MBNL2: variants seen among roughly 807,000 people sequenced by gnomAD.
MBNL2 encodes muscleblind-like protein 2.
Under a neutral mutation model 41.9 loss-of-function variants are expected in MBNL2, and 17 were observed. The ratio of observed to expected loss-of-function variants is 0.41; its 90% CI spans 0.28 to 0.61. The LOEUF (loss-of-function observed/expected upper bound fraction) is 0.61, where lower values mean the gene tolerates loss of function less well. Among genes scored for constraint, MBNL2 ranks in the 20% least tolerant of loss-of-function variants. MBNL2 has a pLI of 0.35. For synonymous variants in MBNL2, 195 were observed against 182.9 expected, an observed-to-expected ratio of 1.07 and a Z score of -0.53; for missense variants, 336 against 505.6, an observed-to-expected ratio of 0.66 and a Z score of 3.22.
rs531449502 is a variant in MBNL2, at chr13:97,329,566, A to G, written c.175-4710A>G. On this transcript the variant is annotated intron_variant, in intron 2 of 8. Coordinates refer to ENST00000679496, the MANE Select transcript of MBNL2 (RefSeq NM_001382683.1). Reference sequence around the variant, plus strand: ...CTGCGTGCCTGCCCCTAGATGGGACATTCTCCTGGCACACGCTGCTCCTCT... The same window carrying G: ...CTGCGTGCCTGCCCCTAGATGGGACGTTCTCCTGGCACACGCTGCTCCTCT... Among the ~76,000 whole-genome samples the G allele has an allele frequency of 8.9e-5, 3 of 33,536 alleles. No homozygotes were observed. The South Asian group carries it at 2.8e-3, about 32-fold the overall frequency. 22.0% of individuals were successfully genotyped at this position (33,536 alleles called of 152,430 possible).
intron 3 of MBNL2, among the ~76,000 whole-genome samples, chr13:97,338,593 C>T (rs2061093358): frequency 6.6e-6 from 1 of 152,190 alleles, no homozygotes; most frequent in African/African-American, 2.4e-5. Flanking sequence ...CAGCTTTTCT[C>T]TCCCCAATTC....
At chr13:97,341,960 C>G (rs893004157) in intron 3 of MBNL2, among the ~76,000 whole-genome samples, 8 of 152,140 alleles carry the variant, frequency 5.3e-5, no homozygotes, top group African/African-American at 9.7e-5. Flanking sequence ...CAGTTAAGTT[C>G]AGTGTTAAAA....
intron 8 of MBNL2, among the ~76,000 whole-genome samples, chr13:97,372,286 T>A (rs1395559972): frequency 6.6e-6 from 1 of 152,188 alleles, no homozygotes; most frequent in African/African-American, 2.4e-5. Flanking sequence ...ATCATTCATG[T>A]TTAATATTAT....
chr13:97,318,788 C>A (rs2059263361), intron 2 of MBNL2, among the ~76,000 whole-genome samples: 1 of 152,172 alleles, frequency 6.6e-6, no homozygotes, highest in Non-Finnish European at 1.5e-5. Flanking sequence ...AATGTCATAG[C>A]TCACTAAGTT....
chr13:97,149,884 G>A, the MBNL2 span, among the ~76,000 whole-genome samples: 28 of 152,284 alleles, frequency 1.8e-4, no homozygotes, highest in Middle Eastern at 3.4e-3. Context: ...CTCTGCAGGG[G>A]AGTCGTTCTC....
chr13:97,206,283 A>G, the MBNL2 span, among the ~76,000 whole-genome samples: 6 of 152,076 alleles, frequency 3.9e-5, no homozygotes, highest in African/African-American at 7.2e-5. Flanking sequence ...AGTTCTTTCA[A>G]TCTTTGTTCA....
chr13:97,207,299 A>G, the MBNL2 span, among the ~76,000 whole-genome samples: 1 of 152,154 alleles, frequency 6.6e-6, no homozygotes, highest in East Asian at 1.9e-4. Context: ...TTTTATATTA[A>G]CAGGAGTGTA....
At chr13:97,155,844 C>G in the MBNL2 span, among the ~76,000 whole-genome samples, 8 of 149,286 alleles carry the variant, frequency 5.4e-5, no homozygotes, top group Non-Finnish European at 8.9e-5. Flanking sequence ...GTGAATAATG[C>G]CGCAATAAAC....
chr13:97,287,354 G>A (rs1007910708), intron 2 of MBNL2, among the ~76,000 whole-genome samples: 1 of 152,078 alleles, frequency 6.6e-6, no homozygotes, highest in Non-Finnish European at 1.5e-5. Context: ...ACTGAAATAC[G>A]TTTTTCTCAT....
At chr13:97,336,512 G>A (rs1375487312) in intron 3 of MBNL2, among the ~76,000 whole-genome samples, 1 of 152,156 alleles carries the variant, frequency 6.6e-6, no homozygotes, top group Non-Finnish European at 1.5e-5. Context: ...GCTCATATAA[G>A]AGAGAGGGAG....
intron 7 of MBNL2, among the ~76,000 whole-genome samples, chr13:97,363,825 G>A (rs923519316): frequency 2.6e-5 from 4 of 152,072 alleles, no homozygotes; most frequent in Non-Finnish European, 5.9e-5. Context: ...CTCCTGACTA[G>A]GTCATGTTAG....
At position 97,320,258 on chromosome 13, in the gene MBNL2, G is replaced by T. The variant is rs565094123; in HGVS notation, c.175-14018G>T. 1.6e-3 allele frequency among the ~76,000 whole-genome samples: 235 copies of T among 147,582 alleles called. 2 individuals are homozygous for T. Among genetic ancestry groups the T allele is most frequent in the African/African-American group, 5.5e-3 (220 of 40,120 alleles). On this transcript the variant is annotated intron_variant, in intron 2 of 8. Coordinates refer to ENST00000679496, the MANE Select transcript of MBNL2 (RefSeq NM_001382683.1). ...GCTCCCTCAGAAGATTCTCTGGAAGGGTCTTTTTTTTTTTTTTTTGAGACA... is the reference window on the plus strand; with the variant it reads ...GCTCCCTCAGAAGATTCTCTGGAAGTGTCTTTTTTTTTTTTTTTTGAGACA...
At chr13:97,195,696 G>C in the MBNL2 span, among the ~76,000 whole-genome samples, 2 of 152,266 alleles carry the variant, frequency 1.3e-5, no homozygotes, top group East Asian at 1.9e-4. Flanking sequence ...CCTGGTATCA[G>C]ATAATTAGAT....
At chr13:97,247,141 C>G (rs1255954459) in intron 1 of MBNL2, among the ~76,000 whole-genome samples, 1 of 152,080 alleles carries the variant, frequency 6.6e-6, no homozygotes, top group Non-Finnish European at 1.5e-5. Flanking sequence ...TAAATGCCAG[C>G]TGATAATATT....
the MBNL2 span, among the ~76,000 whole-genome samples, chr13:97,165,766 A>G: frequency 6.6e-6 from 1 of 152,228 alleles, no homozygotes; most frequent in Non-Finnish European, 1.5e-5. Flanking sequence ...ACTGTGTGAT[A>G]TAGTTATGCT....
the MBNL2 span, among the ~76,000 whole-genome samples, chr13:97,148,292 T>C: frequency 6.6e-6 from 1 of 152,130 alleles, no homozygotes; most frequent in Non-Finnish European, 1.5e-5. Context: ...CTGTAGGACC[T>C]GAGAAGAAGG....
the MBNL2 span, among the ~76,000 whole-genome samples, chr13:97,150,078 C>T: frequency 9.2e-5 from 14 of 152,294 alleles, no homozygotes; most frequent in South Asian, 2.1e-4. Flanking sequence ...TTGCCAATCT[C>T]GTAACTAAAA....
At chr13:97,302,639 G>A (rs1218261400) in intron 2 of MBNL2, among the ~76,000 whole-genome samples, 2 of 152,228 alleles carry the variant, frequency 1.3e-5, no homozygotes, top group African/African-American at 4.8e-5. Flanking sequence ...ATGTGGCAGA[G>A]TTGAGTTTGA....
intron 2 of MBNL2, among the ~76,000 whole-genome samples, chr13:97,287,751 A>C (rs1475401438): frequency 8.1e-6 from 1 of 123,472 alleles, no homozygotes; most frequent in Admixed American, 8.3e-5. Flanking sequence ...TTGAGACAGA[A>C]TTTCACTCTT....
Sources: allele counts gnomAD v4.1 joint callset (sites outside exome capture counted in the v4.1 genomes callset), GRCh38; gene constraint gnomAD v4.1.1; transcripts MANE v1.5; gene names NCBI Gene and HGNC (gene_info 2026-07-23, HGNC 2026-07-21).